The following TCF12 variants were observed in gnomAD, a reference collection of about 807,000 sequenced individuals.
TCF12 encodes the protein DNA-binding protein HTF4.
A neutral mutation model predicts 86.0 loss-of-function variants in TCF12; 45 were observed. The observed-to-expected ratio is 0.52, with a 90% CI of 0.41 to 0.67. The LOEUF is 0.67. TCF12 is among the 30% of genes least tolerant of loss of function. The pLI, the probability that TCF12 is intolerant of heterozygous loss-of-function variation, is 0.00. For missense variants in TCF12, 881 were observed against 859.9 expected (o/e 1.02, Z -0.31); for synonymous variants, 330 against 299.6 (o/e 1.10, Z -1.05).
At chr15:57,001,772 A>G (rs1162005833) in intron 3 of TCF12, among the ~76,000 whole-genome samples, 3 of 152,164 alleles carry the variant, frequency 2.0e-5, no homozygotes, top group Non-Finnish European at 4.4e-5. Flanking sequence ...CATATTTTCG[A>G]GTGACTGGTT....
intron 3 of TCF12, among the ~76,000 whole-genome samples, chr15:56,977,148 C>CCTGACG (rs1321113439): frequency 3.9e-5 from 6 of 151,962 alleles, no homozygotes; most frequent in African/African-American, 1.5e-4. Flanking sequence ...AAATTTGTTC[C>CCTGACG]CTGACGCTTT....
At chr15:56,992,890 A>G (rs2063521861) in intron 3 of TCF12, among the ~76,000 whole-genome samples, 1 of 152,204 alleles carries the variant, frequency 6.6e-6, no homozygotes, top group Middle Eastern at 3.2e-3. Flanking sequence ...GAATTGAGCA[A>G]CTGAGAAGAA....
rs1430520672 is a variant in TCF12 at position 56,939,969 on chromosome 15, T to G, written c.148+18871T>G. 1.1e-4 allele frequency among the ~76,000 whole-genome samples: 5 copies of G among 43,508 alleles called. No individual in the cohort carries two copies. The South Asian group carries it at 3.9e-3, about 34-fold the overall frequency. 28.5% of individuals were successfully genotyped at this position (43,508 alleles called of 152,430 possible). On this transcript the variant is annotated intron_variant, in intron 3 of 20. Coordinates refer to ENST00000333725, the MANE Select transcript of TCF12 (RefSeq NM_207037.2). ...AAGAAGTGATACTTTAATAGCGTGTTTTTTTTTTTTTTTTTTTTTTTTGAC... is the reference window on the plus strand; with the variant it reads ...AAGAAGTGATACTTTAATAGCGTGTGTTTTTTTTTTTTTTTTTTTTTTGAC...
intron 3 of TCF12, among the ~76,000 whole-genome samples, chr15:56,970,703 A>T (rs751391029): frequency 6.6e-6 from 1 of 151,922 alleles, no homozygotes; most frequent in Non-Finnish European, 1.5e-5. Context: ...TAAAGATAAG[A>T]CTTTTGCATG....
intron 15 of TCF12, 110 bp downstream of exon 15, chr15:57,252,602 GTTGACTGTT>G: frequency 2.3e-6 from 2 of 881,336 alleles, no homozygotes; most frequent in Non-Finnish European, 3.5e-6. Flanking sequence ...AAATCAAACA[GTTGACTGTT>G]TCAGTTTTTA....
chr15:57,068,207 T>A (rs2069070394), intron 4 of TCF12, among the ~76,000 whole-genome samples: 1 of 152,180 alleles, frequency 6.6e-6, no homozygotes, highest in African/African-American at 2.4e-5. Context: ...GATAATGATA[T>A]CTGTTTCATG....
chr15:57,218,362 T>C (rs1227544160), intron 8 of TCF12, among the ~76,000 whole-genome samples: 3 of 152,208 alleles, frequency 2.0e-5, no homozygotes, highest in Non-Finnish European at 2.9e-5. Context: ...TTTTCCAGGT[T>C]GTAATTACAG....
intron 3 of TCF12, among the ~76,000 whole-genome samples, chr15:57,048,814 G>A (rs907746205): frequency 6.6e-6 from 1 of 152,138 alleles, no homozygotes; most frequent in African/African-American, 2.4e-5. Flanking sequence ...TGAAATAAGT[G>A]TATCTTAAAT....
intron 3 of TCF12, among the ~76,000 whole-genome samples, chr15:57,006,423 G>A (rs763421285): frequency 2.0e-5 from 3 of 151,902 alleles, no homozygotes; most frequent in Non-Finnish European, 4.4e-5. Context: ...TCCTCCCTCA[G>A]CCTCCCGAGT....
intron 3 of TCF12, among the ~76,000 whole-genome samples, chr15:57,060,152 A>G (rs2068351831): frequency 6.6e-6 from 1 of 152,178 alleles, no homozygotes; most frequent in Admixed American, 6.5e-5. Flanking sequence ...CTTTTAGGGA[A>G]CTGCCTGTAT....
chr15:57,051,664 G>C (rs563727784), intron 3 of TCF12, among the ~76,000 whole-genome samples: 12 of 152,216 alleles, frequency 7.9e-5, no homozygotes, highest in African/African-American at 2.6e-4. Context: ...CTGGCTTTCT[G>C]CTTGTCCAGC....
intron 7 of TCF12, among the ~76,000 whole-genome samples, chr15:57,195,379 T>A (rs1389208680): frequency 6.6e-6 from 1 of 152,208 alleles, no homozygotes; most frequent in Non-Finnish European, 1.5e-5. Flanking sequence ...CTTTTACTAA[T>A]AATGACCTCT....
At chr15:57,147,928 T>G (rs1279786193) in intron 5 of TCF12, among the ~76,000 whole-genome samples, 1 of 151,256 alleles carries the variant, frequency 6.6e-6, no homozygotes, top group Non-Finnish European at 1.5e-5. Flanking sequence ...CTGCCCAGGC[T>G]GGAGTGCAGT....
chr15:57,133,943 C>T (rs1469371326), intron 5 of TCF12, among the ~76,000 whole-genome samples: 1 of 152,166 alleles, frequency 6.6e-6, no homozygotes, highest in African/African-American at 2.4e-5. Context: ...TGATATGCCA[C>T]TTGAAGTGAT....
At chr15:56,968,370 T>G (rs1177598663) in intron 3 of TCF12, among the ~76,000 whole-genome samples, 2 of 151,756 alleles carry the variant, frequency 1.3e-5, no homozygotes, top group African/African-American at 4.8e-5. Context: ...TTTTGTTTTT[T>G]TTTTTTTTGA....
chr15:57,111,010 A>G (rs772993092), intron 5 of TCF12, among the ~76,000 whole-genome samples: 4 of 152,248 alleles, frequency 2.6e-5, no homozygotes, highest in African/African-American at 7.2e-5. Context: ...CCATATTTAC[A>G]TTCTGTCTCA....
At chr15:57,106,207 G>A (rs2050122010) in intron 5 of TCF12, among the ~76,000 whole-genome samples, 1 of 152,132 alleles carries the variant, frequency 6.6e-6, no homozygotes, top group Admixed American at 6.5e-5. Context: ...ATTGGATCTT[G>A]GAACAGAAAA....
chr15:57,232,608 C>G (rs2059188219), intron 10 of TCF12, 104 bp from the exon 11 acceptor site: 1 of 1,447,140 alleles, frequency 6.9e-7, no homozygotes, highest in East Asian at 2.4e-5. Context: ...TGCTCTTTAG[C>G]TGTAACTTGT....
intron 3 of TCF12, among the ~76,000 whole-genome samples, chr15:56,989,707 G>C (rs1271183662): frequency 6.6e-6 from 1 of 152,164 alleles, no homozygotes; most frequent in South Asian, 2.1e-4. Context: ...CCTTGACTTA[G>C]TAAAGTATAG....
Sources: allele counts gnomAD v4.1 joint callset (sites outside exome capture counted in the v4.1 genomes callset), GRCh38; gene constraint gnomAD v4.1.1; transcripts MANE v1.5; gene names NCBI Gene and HGNC (gene_info 2026-07-23, HGNC 2026-07-21).